PISD: variants seen among roughly 807,000 people sequenced by gnomAD.
PISD encodes phosphatidylserine decarboxylase.
A neutral mutation model predicts 43.5 loss-of-function variants in PISD; 31 were observed. The ratio of observed to expected loss-of-function variants is 0.71; its 90% CI spans 0.54 to 0.96. PISD has a LOEUF of 0.96. PISD is among the 40% of genes least tolerant of loss of function. The probability of loss-of-function intolerance (pLI) is 0.00; values close to 1 mark genes in which losing one functional copy is unlikely to be tolerated. For missense variants in PISD, 523 were observed against 548.4 expected, an observed-to-expected ratio of 0.95 and a Z score of 0.46; for synonymous variants, 259 against 228.7, an observed-to-expected ratio of 1.13 and a Z score of -1.20.
intron 3 of PISD, 84 bp from the exon 4 acceptor site, chr22:31,621,969 A>C: frequency 5.8e-6 from 6 of 1,030,652 alleles, no homozygotes; most frequent in Non-Finnish European, 8.9e-6. Context: ...CCCAGCTCTC[A>C]CTTCAGGGGA....
At chr22:31,622,304 T>G (rs2072629246) in intron 3 of PISD, among the ~76,000 whole-genome samples, 1 of 152,174 alleles carries the variant, frequency 6.6e-6, no homozygotes, top group South Asian at 2.1e-4. Flanking sequence ...TCACTGCCCA[T>G]ATCCCAGACC....
chr22:31,621,345 G>A lies in PISD; in HGVS notation c.686C>T (p.Pro229Leu), dbSNP rs1303497850. ...LGPRMCTEDLPFPPAASCDSF... is the reference protein window; with the variant it reads ...LGPRMCTEDLLFPPAASCDSF... Reference sequence around the variant, plus strand: ...GTGCAGTGACCCACCTGGTGGGAAGGGCAGGTCCTCTGTGCACATACGCGG... The same window carrying A: ...GTGCAGTGACCCACCTGGTGGGAAGAGCAGGTCCTCTGTGCACATACGCGG... The change falls in exon 5 of 8, where the codon CCC (proline) becomes CTC (leucine). Residue 229 changes from proline (P) to leucine (L), a missense_variant. Coordinates refer to ENST00000439502, the MANE Select transcript of PISD (RefSeq NM_001326411.2). The A allele has an allele frequency of 1.2e-6, 2 of 1,613,942 alleles. No individual in the cohort carries two copies. The highest frequency in any genetic ancestry group is 1.7e-6 in the Non-Finnish European group (2 of 1,180,032).
chr22:31,621,297 A>C (rs1479155393), intron 5 of PISD, 37 bp downstream of exon 5: 1 of 1,612,794 alleles, frequency 6.2e-7, no homozygotes, highest in Non-Finnish European at 8.5e-7. Flanking sequence ...GCCACACAGC[A>C]GCAGGGCTGC....
At chr22:31,646,740 A>G (rs746072743) in intron 3 of PISD, among the ~76,000 whole-genome samples, 8 of 152,138 alleles carry the variant, frequency 5.3e-5, no homozygotes, top group Non-Finnish European at 8.8e-5. Flanking sequence ...CTACTAATCT[A>G]ATGGAAAATG....
chr22:31,629,303 C>A (rs1462842475), intron 3 of PISD: 1 of 814,006 alleles, frequency 1.2e-6, no homozygotes, highest in Non-Finnish European at 1.5e-6. Flanking sequence ...AGGGTATGTG[C>A]ATGGAGGGGT....
intron 1 of PISD, among the ~76,000 whole-genome samples, chr22:31,656,970 T>TA (rs1159075764): frequency 1.3e-5 from 2 of 152,152 alleles, no homozygotes; most frequent in East Asian, 3.9e-4. Flanking sequence ...TCTTAATTTT[T>TA]AAAAAAAATT....
At chr22:31,660,193 G>T (rs2074279637) in intron 1 of PISD, among the ~76,000 whole-genome samples, 1 of 152,084 alleles carries the variant, frequency 6.6e-6, no homozygotes, top group East Asian at 1.9e-4. Context: ...TCTTGATATA[G>T]AATACCTTTG....
chr22:31,631,385 C>T (rs2073199906), intron 3 of PISD, among the ~76,000 whole-genome samples: 1 of 152,208 alleles, frequency 6.6e-6, no homozygotes, highest in Non-Finnish European at 1.5e-5. Flanking sequence ...CTTGAAGCTA[C>T]AAGGCTGCTC....
rs2073176342 is a variant in PISD at position 31,630,888 on chromosome 22, G to C, written c.322-9003C>G. On this transcript the variant is annotated intron_variant, in intron 3 of 7. Coordinates refer to ENST00000439502, the MANE Select transcript of PISD (RefSeq NM_001326411.2). The surrounding 1 kb of genome is among the most constrained non-coding windows in gnomAD (Gnocchi z 4.4). ...GCCTTGGGGCGAGTGGGCGGGGCTC[G>C]GGCTCCAGCCACTCAGACTACCAGG... 1.0e-6 allele frequency: 1 copy of C among 984,002 alleles called. No individual in the cohort carries two copies. The highest frequency in any genetic ancestry group is 1.2e-6 in the Non-Finnish European group (1 of 828,718). The allele number at this position is 984,002 out of a possible 1,614,324, so 61.0% of individuals were successfully genotyped here.
intron 3 of PISD, among the ~76,000 whole-genome samples, chr22:31,647,098 G>T (rs1429514671): frequency 6.6e-6 from 1 of 152,014 alleles, no homozygotes; most frequent in Non-Finnish European, 1.5e-5. Flanking sequence ...CAAAATTAAA[G>T]TCCAAAAAAG....
chr22:31,650,411 C>T (rs900972325), intron 2 of PISD, among the ~76,000 whole-genome samples: 4 of 151,600 alleles, frequency 2.6e-5, no homozygotes, highest in African/African-American at 7.3e-5. Flanking sequence ...TGGTGGTGCA[C>T]ATCTGTGTCC....
intron 3 of PISD, among the ~76,000 whole-genome samples, chr22:31,641,719 C>T (rs573451488): frequency 9.9e-5 from 15 of 151,144 alleles, no homozygotes; most frequent in Non-Finnish European, 1.9e-4. Context: ...ACTCGGGAGG[C>T]TGAGGCAGGA....
chr22:31,637,452 C>G (rs1169183978), intron 3 of PISD, among the ~76,000 whole-genome samples: 1 of 151,866 alleles, frequency 6.6e-6, no homozygotes, highest in African/African-American at 2.4e-5. Flanking sequence ...TGGCCCTAAA[C>G]TGGCAACAGT....
At position 31,630,658 on chromosome 22, in the gene PISD, C is replaced by T. The variant is rs16985114; in HGVS notation, c.322-8773G>A. 3,389 of 921,196 alleles carry T rather than the reference C, an allele frequency of 3.7e-3. 33 individuals are homozygous for T. Among genetic ancestry groups the T allele is most frequent in the Middle Eastern group, 0.029 (52 of 1,820 alleles). The allele number at this position is 921,196 out of a possible 1,614,324, so 57.1% of individuals were successfully genotyped here. The stretch of plus-strand genomic sequence containing the variant: ...TCCTCAGGCCGGGGCCGCGTCGTCA[C>T]AGCTGGGAGAGCCCACCTGCGACCG... On this transcript the variant is annotated intron_variant, in intron 3 of 7. Coordinates refer to ENST00000439502, the MANE Select transcript of PISD (RefSeq NM_001326411.2). The surrounding 1 kb of genome is among the most constrained non-coding windows in gnomAD (Gnocchi z 4.4).
intron 1 of PISD, among the ~76,000 whole-genome samples, chr22:31,661,894 T>C (rs2074329281): frequency 6.6e-6 from 1 of 152,112 alleles, no homozygotes; most frequent in African/African-American, 2.4e-5. Context: ...TTTCATCTGA[T>C]TTTTGTCCCT....
chr22:31,630,810 G>A lies in PISD; in HGVS notation c.322-8925C>T. On this transcript the variant is annotated intron_variant, in intron 3 of 7. Transcript: ENST00000439502. This position sits in a 1 kb window ranked among gnomAD's most constrained non-coding sequence, Gnocchi z 4.4. Reference sequence around the variant, plus strand: ...GCCGGCTCCGCTCACTCACCCGCAGGTGGCTCCAGCTTCCGGGCTCCGACT... The same window carrying A: ...GCCGGCTCCGCTCACTCACCCGCAGATGGCTCCAGCTTCCGGGCTCCGACT... 3 of 985,548 alleles carry A rather than the reference G, an allele frequency of 3.0e-6. No individual in the cohort carries two copies. The highest frequency in any genetic ancestry group is 2.4e-6 in the Non-Finnish European group (2 of 830,008). 61.1% of individuals were successfully genotyped at this position (985,548 alleles called of 1,614,324 possible). A position where few individuals can be genotyped will look rare whatever the true frequency, so the allele number is the denominator to read the frequency against.
intron 3 of PISD, among the ~76,000 whole-genome samples, chr22:31,625,083 G>A (rs146840606): frequency 6.6e-6 from 1 of 152,202 alleles, no homozygotes; most frequent in South Asian, 2.1e-4. Context: ...ATCTGGGACT[G>A]TGCTCTCAAG....
At chr22:31,626,606 C>G (rs1451417718) in intron 3 of PISD, among the ~76,000 whole-genome samples, 1 of 152,178 alleles carries the variant, frequency 6.6e-6, no homozygotes, top group Non-Finnish European at 1.5e-5. Flanking sequence ...GGAAAACCAG[C>G]CTGGGGCTGG....
intron 3 of PISD, among the ~76,000 whole-genome samples, chr22:31,642,770 G>A (rs1344884325): frequency 2.7e-5 from 4 of 146,512 alleles, no homozygotes; most frequent in Non-Finnish European, 5.9e-5. Context: ...ACTCCAGCCT[G>A]GGAGACAGAG....
Sources: gnomAD v4.1 joint callset for allele counts (sites outside exome capture counted in the v4.1 genomes callset) on GRCh38, gnomAD v4.1.1 for gene constraint, Gnocchi (gnomAD v3.1) non-coding constraint, MANE v1.5 for transcripts, NCBI Gene and HGNC (gene_info 2026-07-23, HGNC 2026-07-21) for gene names.